RGS7: variants seen among roughly 807,000 people sequenced by gnomAD.
RGS7 encodes the protein regulator of G-protein signaling 7.
A neutral mutation model predicts 81.1 loss-of-function variants in RGS7; 27 were observed. The observed-to-expected ratio is 0.33, with a 90% confidence interval of 0.25 to 0.46. RGS7 has a LOEUF of 0.46. Among genes scored for constraint, RGS7 ranks in the 20% least tolerant of loss-of-function variants. RGS7 has a pLI of 1.00. For synonymous variants in RGS7, 208 were observed against 207.7 expected (o/e 1.00, Z -0.01); for missense variants, 396 against 607.4 (o/e 0.65, Z 3.66).
At chr1:241,008,550 T>C (rs2058793587) in intron 3 of RGS7, among the ~76,000 whole-genome samples, 2 of 152,308 alleles carry the variant, frequency 1.3e-5, no homozygotes, top group Admixed American at 6.5e-5. Flanking sequence ...ATGGGGCTTC[T>C]GTGTTTGAAA....
intron 2 of RGS7, among the ~76,000 whole-genome samples, chr1:241,109,439 T>C (rs911650635): frequency 2.0e-5 from 3 of 152,164 alleles, no homozygotes; most frequent in African/African-American, 7.2e-5. Flanking sequence ...TTTTTTACCC[T>C]ACCTTACTTT....
intron 6 of RGS7, among the ~76,000 whole-genome samples, chr1:240,922,445 T>C (rs1430353172): frequency 1.3e-5 from 2 of 151,992 alleles, no homozygotes; most frequent in Non-Finnish European, 2.9e-5. Context: ...AACTACAGAC[T>C]GGGGGAAAAT....
At chr1:240,842,135 A>G (rs1421499231) in intron 9 of RGS7, among the ~76,000 whole-genome samples, 1 of 151,632 alleles carries the variant, frequency 6.6e-6, no homozygotes. Context: ...TTTGACATCA[A>G]TAAAATAATC....
At chr1:241,034,704 A>G (rs1475141869) in intron 3 of RGS7, among the ~76,000 whole-genome samples, 1 of 152,220 alleles carries the variant, frequency 6.6e-6, no homozygotes, top group Non-Finnish European at 1.5e-5. Flanking sequence ...GATGTCTTAT[A>G]CTGTGTCATG....
intron 2 of RGS7, among the ~76,000 whole-genome samples, chr1:241,149,552 C>T (rs568641293): frequency 6.6e-6 from 1 of 152,136 alleles, no homozygotes; most frequent in African/African-American, 2.4e-5. Context: ...GTCCTGCTCT[C>T]CAGAGTAAGT....
At chr1:241,298,076 T>A (rs1438190803) in intron 2 of RGS7, among the ~76,000 whole-genome samples, 2 of 152,218 alleles carry the variant, frequency 1.3e-5, no homozygotes, top group Non-Finnish European at 2.9e-5. Context: ...GGAACTCAAG[T>A]GGCACAGGAA....
rs1161090389 is a variant in RGS7 at position 241,089,063 on chromosome 1, C to CTATA, written c.175+9599_175+9602dup. 6.0e-3 allele frequency among the ~76,000 whole-genome samples: 141 copies of CTATA among 23,678 alleles called. 10 individuals carry two copies. Among genetic ancestry groups the CTATA allele is most frequent in the African/African-American group, 6.7e-3 (29 of 4,318 alleles). The allele number at this position is 23,678 out of a possible 152,430, so 15.5% of individuals were successfully genotyped here. On this transcript the variant is annotated intron_variant, in intron 3 of 18. Transcript: ENST00000440928. The stretch of plus-strand genomic sequence containing the variant: ...TCTCTCTCTCTCTCTCTCTCTCTCT[C>CTATA]TATATATATATATATATATATATAT...
intron 3 of RGS7, among the ~76,000 whole-genome samples, chr1:240,985,554 T>C (rs1222782853): frequency 1.3e-5 from 2 of 152,324 alleles, no homozygotes; most frequent in East Asian, 1.9e-4. Flanking sequence ...CTGTCACAAG[T>C]GTATTCTCAG....
At chr1:241,275,785 A>T (rs901266196) in intron 2 of RGS7, among the ~76,000 whole-genome samples, 7 of 152,240 alleles carry the variant, frequency 4.6e-5, no homozygotes, top group African/African-American at 1.7e-4. Flanking sequence ...TTTAGATGCA[A>T]CTATTCACTC....
intron 9 of RGS7, among the ~76,000 whole-genome samples, chr1:240,842,199 A>AGTTTTTTTTTTTTTTTTTTT (rs1658149707): frequency 1.3e-5 from 1 of 78,676 alleles, no homozygotes; most frequent in Non-Finnish European, 2.5e-5. Context: ...TTTGTCAGGA[A>AGTTTTTTTTTTTTTTTTTTT]TTTTTTTTTT....
intron 3 of RGS7, among the ~76,000 whole-genome samples, chr1:241,027,060 A>C (rs2059825368): frequency 6.6e-6 from 1 of 150,690 alleles, no homozygotes; most frequent in Non-Finnish European, 1.5e-5. Flanking sequence ...AAAATTAGCC[A>C]GGCGGGGTGG....
chr1:241,230,498 G>A (rs1425982897), intron 2 of RGS7, among the ~76,000 whole-genome samples: 1 of 152,156 alleles, frequency 6.6e-6, no homozygotes, highest in Admixed American at 6.5e-5. Context: ...ACTATCATGA[G>A]CCACCGCACC....
chr1:241,336,392 T>C (rs1325259207), intron 2 of RGS7, among the ~76,000 whole-genome samples: 1 of 152,116 alleles, frequency 6.6e-6, no homozygotes, highest in Non-Finnish European at 1.5e-5. Context: ...TATTCAATCA[T>C]AGGATGTATG....
At chr1:240,900,857 G>T (rs1050812225) in intron 6 of RGS7, among the ~76,000 whole-genome samples, 1 of 152,194 alleles carries the variant, frequency 6.6e-6, no homozygotes, top group African/African-American at 2.4e-5. Context: ...AGAAGTTTCT[G>T]CTGCCTTTTG....
intron 2 of RGS7, among the ~76,000 whole-genome samples, chr1:241,352,988 C>T (rs2148750570): frequency 6.6e-6 from 1 of 152,300 alleles, no homozygotes; most frequent in South Asian, 2.1e-4. Context: ...GGAGGGAAAA[C>T]ACCACGAATA....
At chr1:240,782,141 T>C (rs7522181) in intron 18 of RGS7, among the ~76,000 whole-genome samples, 23,973 of 152,214 alleles carry the variant, frequency 0.16, 3,287 homozygotes, top group African/African-American at 0.37. Context: ...AAATCCTGCC[T>C]TATTCACATA....
At chr1:241,126,208 G>A (rs912297688) in intron 2 of RGS7, among the ~76,000 whole-genome samples, 24 of 151,966 alleles carry the variant, frequency 1.6e-4, no homozygotes, top group African/African-American at 5.8e-4. Flanking sequence ...GGAGTGCAGT[G>A]GTGCAATCTC....
At chr1:240,967,726 G>C (rs1682570734) in intron 4 of RGS7, among the ~76,000 whole-genome samples, 1 of 152,178 alleles carries the variant, frequency 6.6e-6, no homozygotes, top group South Asian at 2.1e-4. Context: ...GATAAAGCCA[G>C]AGTGGGCTCA....
At chr1:240,963,869 G>C (rs755707368) in intron 4 of RGS7, among the ~76,000 whole-genome samples, 2 of 152,138 alleles carry the variant, frequency 1.3e-5, no homozygotes, top group African/African-American at 4.8e-5. Flanking sequence ...ATGAAATGTT[G>C]GGCATGGTGG....
Sources: allele counts gnomAD v4.1 joint callset (sites outside exome capture counted in the v4.1 genomes callset), GRCh38; gene constraint gnomAD v4.1.1; transcripts MANE v1.5; gene names NCBI Gene and HGNC (gene_info 2026-07-23, HGNC 2026-07-21).